PTPN5: variants seen among roughly 807,000 people sequenced by gnomAD.
PTPN5 encodes the protein protein tyrosine phosphatase non-receptor type 5.
A neutral mutation model predicts 73.9 loss-of-function variants in PTPN5; 29 were observed. The ratio of observed to expected loss-of-function variants is 0.39; its 90% CI spans 0.29 to 0.54. PTPN5 has a LOEUF of 0.54. Among genes scored for constraint, PTPN5 ranks in the 20% least tolerant of loss-of-function variants. The pLI is 0.65. For synonymous variants in PTPN5, 267 were observed against 304.7 expected (o/e 0.88, Z 1.29); for missense variants, 652 against 751.4 (o/e 0.87, Z 1.55).
At chr11:18,743,949 G>A (rs1849493498) in intron 4 of PTPN5, 57 bp downstream of exon 4, 3 of 1,511,898 alleles carry the variant, frequency 2.0e-6, no homozygotes, top group Admixed American at 5.0e-5. Context: ...GGAAGTGGGA[G>A]GCTGGCCCTC....
Position 18,728,894 on chromosome 11 carries a change from G to C in PTPN5, c.*40C>G. On this transcript the variant is annotated 3_prime_UTR_variant, in exon 15 of 15. Transcript: ENST00000358540. The surrounding 1 kb of genome is among the most constrained non-coding windows in gnomAD (Gnocchi z 4.1). ...GGCCCTGGGTGAGGGCCGAGACTCA[G>C]GCTGGGCAGTGCCCAGAGAACCTTG... 6.3e-7 allele frequency: 1 copy of C among 1,586,964 alleles called. No homozygotes were observed. The highest frequency in any genetic ancestry group is 8.6e-7 in the Non-Finnish European group (1 of 1,163,542).
chr11:18,739,778 T>C (rs893394448), intron 8 of PTPN5, among the ~76,000 whole-genome samples: 4 of 152,206 alleles, frequency 2.6e-5, no homozygotes, highest in Non-Finnish European at 4.4e-5. Context: ...GTTACCTGTT[T>C]GGTGAATTTG....
Position 18,733,105 on chromosome 11 carries a change from T to C in PTPN5, c.1218+130A>G. On this transcript the variant is annotated intron_variant, in intron 11 of 14. Transcript: ENST00000358540. The surrounding 1 kb of genome is among the most constrained non-coding windows in gnomAD (Gnocchi z 4.3). The stretch of plus-strand genomic sequence containing the variant: ...TGACTTAACCTTACCGAGCCTCACA[T>C]CTCCTCATCTTGGCAGCGGAGTGAA... 2.9e-6 allele frequency: 4 copies of C among 1,368,466 alleles called. No homozygotes were observed. The highest frequency in any genetic ancestry group is 1.4e-5 in the South Asian group (1 of 73,638). The allele number at this position is 1,368,466 out of a possible 1,614,324, so 84.8% of individuals were successfully genotyped here.
rs763889706 is a variant in PTPN5, at chr11:18,742,287, C to T, written c.700G>A (p.Val234Ile). 3.7e-6 allele frequency: 6 copies of T among 1,614,162 alleles called. No homozygotes were observed. Among genetic ancestry groups the T allele is most frequent in the Admixed American group, 1.7e-5 (1 of 60,024 alleles). The stretch of plus-strand genomic sequence containing the variant: ...CTCTCCTGCAGACCCATGGACTTGA[C>T]GGTGAGTGAGGTGGGGTCAGCCTCA... ...KPEADPTSLT[V>I]KSMGLQERRG... Residue 234 changes from valine to isoleucine, a missense_variant, in exon 7 of 15, where the codon GTC becomes ATC. By Grantham distance (29) the Val-to-Ile change is conservative. Coordinates refer to ENST00000358540, the MANE Select transcript of PTPN5 (RefSeq NM_006906.2). This position sits in a 1 kb window ranked among gnomAD's most constrained non-coding sequence, Gnocchi z 4.1.
At chr11:18,762,608 TTAC>T (rs1850448856) in intron 3 of PTPN5, among the ~76,000 whole-genome samples, 1 of 152,212 alleles carries the variant, frequency 6.6e-6, no homozygotes, top group Non-Finnish European at 1.5e-5. Context: ...TTCATAGCAC[TTAC>T]TACTATTAAC....
intron 1 of PTPN5, among the ~76,000 whole-genome samples, chr11:18,777,033 C>T (rs137920903): frequency 0.22 from 33,780 of 151,974 alleles, 4,162 homozygotes; most frequent in Middle Eastern, 0.3. Flanking sequence ...TGGTGGCGGG[C>T]GCCTGTAATC....
chr11:18,753,571 TCTC>T (rs10531332), intron 3 of PTPN5, among the ~76,000 whole-genome samples: 47,290 of 151,990 alleles, frequency 0.31, 8,946 homozygotes, highest in Admixed American at 0.47. Context: ...ACCCACACCT[TCTC>T]CTAGTTTTCT....
At chr11:18,762,091 C>T (rs1166432499) in intron 3 of PTPN5, among the ~76,000 whole-genome samples, 2 of 152,112 alleles carry the variant, frequency 1.3e-5, no homozygotes, top group African/African-American at 4.8e-5. Flanking sequence ...GGGGGAGCTC[C>T]CAGGGAGTGT....
chr11:18,755,886 C>T (rs1162735470), intron 3 of PTPN5, among the ~76,000 whole-genome samples: 1 of 151,648 alleles, frequency 6.6e-6, no homozygotes, highest in African/African-American at 2.4e-5. Context: ...TGCCTGTAAT[C>T]CCAGTTACTT....
At chr11:18,753,353 G>A (rs938267154) in intron 3 of PTPN5, among the ~76,000 whole-genome samples, 3 of 152,192 alleles carry the variant, frequency 2.0e-5, no homozygotes, top group South Asian at 2.1e-4. Flanking sequence ...CAAGTGTCCC[G>A]TAAATTCAAA....
intron 2 of PTPN5, among the ~76,000 whole-genome samples, chr11:18,770,966 A>G (rs192985547): frequency 1.3e-5 from 2 of 152,200 alleles, no homozygotes; most frequent in African/African-American, 2.4e-5. Flanking sequence ...CTATTAGGAG[A>G]CATCCTGGAG....
At chr11:18,757,200 G>GT (rs1850196112) in intron 3 of PTPN5, among the ~76,000 whole-genome samples, 1 of 152,132 alleles carries the variant, frequency 6.6e-6, no homozygotes, top group Non-Finnish European at 1.5e-5. Context: ...CCCATCCATT[G>GT]TCTCACTGAA....
intron 1 of PTPN5, among the ~76,000 whole-genome samples, chr11:18,779,688 G>A (rs1851333739): frequency 6.6e-6 from 1 of 152,146 alleles, no homozygotes; most frequent in South Asian, 2.1e-4. Context: ...CTGGGCCCAG[G>A]GCAGGCTGTC....
intron 3 of PTPN5, among the ~76,000 whole-genome samples, chr11:18,758,340 T>G (rs368834549): frequency 6.6e-5 from 10 of 152,310 alleles, no homozygotes; most frequent in African/African-American, 2.4e-4. Context: ...TGCTCCTTCT[T>G]GGTAATCACA....
chr11:18,781,907 C>A (rs866289767), intron 1 of PTPN5, among the ~76,000 whole-genome samples: 4 of 152,152 alleles, frequency 2.6e-5, no homozygotes, highest in African/African-American at 9.7e-5. Flanking sequence ...ACCCGAAGGA[C>A]AAGCAGGAGT....
At chr11:18,756,333 G>A (rs930009329) in intron 3 of PTPN5, among the ~76,000 whole-genome samples, 3 of 124,298 alleles carry the variant, frequency 2.4e-5, no homozygotes, top group African/African-American at 6.3e-5. Flanking sequence ...TTCTCACTCC[G>A]TCACCCAAGC....
intron 1 of PTPN5, among the ~76,000 whole-genome samples, chr11:18,774,841 G>A (rs958634681): frequency 1.3e-5 from 2 of 152,214 alleles, no homozygotes; most frequent in Admixed American, 1.3e-4. Flanking sequence ...AAATTTCATG[G>A]TCAGGTTGGT....
intron 3 of PTPN5, among the ~76,000 whole-genome samples, chr11:18,746,927 C>T (rs533644879): frequency 5.9e-5 from 9 of 152,280 alleles, no homozygotes; most frequent in East Asian, 1.9e-4. Context: ...AAATATGGAA[C>T]GGTGGGAAGG....
chr11:18,770,409 G>T (rs1850830002), intron 2 of PTPN5, among the ~76,000 whole-genome samples: 1 of 152,174 alleles, frequency 6.6e-6, no homozygotes, highest in African/African-American at 2.4e-5. Context: ...GTAGCCTTTT[G>T]TGCTTTTGTG....
Sources: allele counts gnomAD v4.1 joint callset (sites outside exome capture counted in the v4.1 genomes callset), GRCh38; gene constraint gnomAD v4.1.1; non-coding constraint Gnocchi (gnomAD v3.1); transcripts MANE v1.5; gene names NCBI Gene and HGNC (gene_info 2026-07-23, HGNC 2026-07-21).